The following TLE3 variants were observed in gnomAD, a reference collection of about 807,000 sequenced individuals.
The protein encoded by TLE3 is transducin-like enhancer protein 3.
TLE3 carries 14 observed loss-of-function variants against 93.0 expected under a neutral mutation model. The ratio of observed to expected loss-of-function variants is 0.15; its 90% CI spans 0.10 to 0.24. The LOEUF is 0.24. Among genes scored for constraint, TLE3 ranks in the 10% least tolerant of loss-of-function variants. The pLI, the probability that TLE3 is intolerant of heterozygous loss-of-function variation, is 1.00. For missense variants in TLE3, 693 were observed against 1,046.6 expected (o/e 0.66, Z 4.66); for synonymous variants, 451 against 425.0 (o/e 1.06, Z -0.75).
chr15:70,053,137 A>C, intron 17 of TLE3, 90 bp downstream of exon 17: 1 of 1,485,640 alleles, frequency 6.7e-7, no homozygotes, highest in Non-Finnish European at 9.1e-7. Flanking sequence ...CCACTCTGTG[A>C]GGGTCCCTTT....
At chr15:70,072,863 G>C (rs576513927) in intron 6 of TLE3, among the ~76,000 whole-genome samples, 1 of 152,218 alleles carries the variant, frequency 6.6e-6, no homozygotes, top group African/African-American at 2.4e-5. Context: ...GACGATCCCC[G>C]GGCTAGATGA....
chr15:70,096,122 C>G (rs2058547464), intron 2 of TLE3, 39 bp downstream of exon 2: 2 of 1,536,976 alleles, frequency 1.3e-6, no homozygotes, highest in African/African-American at 2.8e-5. Flanking sequence ...GGGACCCACC[C>G]CTCCCCGCCA....
At chr15:70,081,393 C>T (rs1333676079) in intron 4 of TLE3, among the ~76,000 whole-genome samples, 2 of 152,246 alleles carry the variant, frequency 1.3e-5, no homozygotes, top group African/African-American at 2.4e-5. Context: ...GGTTGCTGGG[C>T]AGCTGGCTGA....
At chr15:70,074,921 GAT>G (rs1267702465) in intron 5 of TLE3, among the ~76,000 whole-genome samples, 1 of 152,220 alleles carries the variant, frequency 6.6e-6, no homozygotes, top group African/African-American at 2.4e-5. Context: ...GTATGAGCTG[GAT>G]ATCAGATGAT....
At chr15:70,080,599 C>T (rs1219500800) in intron 4 of TLE3, among the ~76,000 whole-genome samples, 1 of 152,156 alleles carries the variant, frequency 6.6e-6, no homozygotes, top group Non-Finnish European at 1.5e-5. Context: ...TAGTGGGGGG[C>T]AAGTGTAATT....
At position 70,055,117 on chromosome 15, in the gene TLE3, C is replaced by T. The variant is rs1388806081; in HGVS notation, c.1510G>A (p.Gly504Ser). ...CTGATGTCCCAGATCTTCACGCAGC[C>T]CTTGCCACCTGTGTAGACGTGCCTC... Reference protein sequence around the residue: ...PTRHVYTGGKGCVKIWDISQP... With the variant: ...PTRHVYTGGKSCVKIWDISQP... Residue 504 changes from glycine to serine, a missense_variant, in exon 15 of 20, where the codon GGC (glycine) becomes AGC (serine). Coordinates refer to ENST00000451782, the MANE Select transcript of TLE3 (RefSeq NM_001105192.3). 1 of 1,614,054 alleles carries T rather than the reference C, an allele frequency of 6.2e-7. No homozygotes were observed. Among genetic ancestry groups the T allele is most frequent in the Non-Finnish European group, 8.5e-7 (1 of 1,180,028 alleles).
At position 70,058,281 on chromosome 15, in the gene TLE3, G is replaced by A. The variant is rs2056222758; in HGVS notation, c.929C>T (p.Ser310Phe). Residue 310 changes from serine to phenylalanine, a missense_variant, in exon 12 of 20, where the codon TCC (serine) becomes TTC (phenylalanine). Physicochemically the swap from Ser to Phe is radical, Grantham distance 155. Coordinates refer to ENST00000451782, the MANE Select transcript of TLE3 (RefSeq NM_001105192.3). The surrounding 1 kb of genome is among the most constrained non-coding windows in gnomAD (Gnocchi z 4.1). ...GTTGGACTTGAGCCCAGGGGTGGAG[G>A]ATTTGTCGTTCTGAAGAGGGGAGAT... ...KTKDLGHNDKSSTPGLKSNTP... is the reference protein window; with the variant it reads ...KTKDLGHNDKFSTPGLKSNTP... 6.2e-7 allele frequency: 1 copy of A among 1,608,034 alleles called. No individual in the cohort carries two copies. Among genetic ancestry groups the A allele is most frequent in the Non-Finnish European group, 8.5e-7 (1 of 1,176,830 alleles).
chr15:70,082,956 A>G (rs2057858023), intron 4 of TLE3, among the ~76,000 whole-genome samples: 1 of 151,618 alleles, frequency 6.6e-6, no homozygotes, highest in African/African-American at 2.4e-5. Context: ...AGGGGTCTAC[A>G]GTGTAAGGGA....
At chr15:70,070,607 G>A (rs950941322) in intron 6 of TLE3, among the ~76,000 whole-genome samples, 2 of 152,168 alleles carry the variant, frequency 1.3e-5, no homozygotes, top group Non-Finnish European at 2.9e-5. Context: ...TTCTGGGGTT[G>A]GTAATAGCTT....
At chr15:70,087,091 G>T (rs1198827762) in intron 4 of TLE3, among the ~76,000 whole-genome samples, 3 of 152,202 alleles carry the variant, frequency 2.0e-5, no homozygotes, top group Admixed American at 2.0e-4. Context: ...AGAGAACCCT[G>T]AGCTGGAATA....
chr15:70,052,865 T>C (rs1409238340), intron 17 of TLE3: 1 of 306,708 alleles, frequency 3.3e-6, no homozygotes, highest in Non-Finnish European at 6.0e-6. Context: ...GAATGCTTTC[T>C]GTGAGTCGGG....
Position 70,094,562 on chromosome 15 carries a change from G to T in TLE3, c.204C>A (p.Ser68=). The change falls in exon 4 of 20, where the codon TCC becomes TCA. Residue 68 remains serine, a synonymous_variant. Coordinates refer to ENST00000451782, the MANE Select transcript of TLE3 (RefSeq NM_001105192.3). ...QRHYVMYYEM[S]YGLNIEMHKQ... is the part of the protein sequence containing the mutation. Reference sequence around the variant, plus strand: ...TGTGCATTTCAATGTTCAAGCCATAGGACATCTCATAGTACTAAAAGTAAA... The same window carrying T: ...TGTGCATTTCAATGTTCAAGCCATATGACATCTCATAGTACTAAAAGTAAA... 6.4e-7 allele frequency: 1 copy of T among 1,558,046 alleles called. No individual in the cohort carries two copies. The highest frequency in any genetic ancestry group is 8.7e-7 in the Non-Finnish European group (1 of 1,151,544).
chr15:70,057,767 G>A, intron 12 of TLE3, 109 bp from the exon 13 acceptor site: 36 of 1,381,526 alleles, frequency 2.6e-5, no homozygotes, highest in Non-Finnish European at 3.5e-5. Flanking sequence ...CCTGCTCCAG[G>A]CAGTCCTCTC....
At chr15:70,056,108 G>A in intron 14 of TLE3, 190 bp downstream of exon 14, 2 of 670,142 alleles carry the variant, frequency 3.0e-6, no homozygotes, top group Non-Finnish European at 5.3e-6. Context: ...GCTCAGAAGT[G>A]TGGCTTGGCT....
chr15:70,095,798 T>C (rs1596045070), intron 2 of TLE3, 157 bp from the exon 3 acceptor site: 1 of 880,790 alleles, frequency 1.1e-6, no homozygotes. Context: ...GGGATTTGGG[T>C]CCCCGCCGTG....
At chr15:70,057,417 C>T in intron 13 of TLE3, 42 bp downstream of exon 13, 1 of 1,544,750 alleles carries the variant, frequency 6.5e-7, no homozygotes, top group Non-Finnish European at 8.8e-7. Flanking sequence ...GCTCCCCACA[C>T]CACGCCCAGT....
Position 70,097,554 on chromosome 15 carries a change from G to A in TLE3, c.-756C>T, listed in dbSNP as rs1486696497. On this transcript the variant is annotated 5_prime_UTR_variant, in exon 1 of 20. Transcript: ENST00000451782. ...ACGCCCTGGCATCCTAAGTCCAGCG[G>A]GCACGGGAAGCCTCCGCAAAGGGTT... 5.0e-5 allele frequency: 20 copies of A among 399,640 alleles called. No homozygotes were observed. In the Admixed American group the frequency reaches 7.5e-4, roughly 15 times the overall value. 24.8% of individuals were successfully genotyped at this position (399,640 alleles called of 1,614,324 possible). A position where few individuals can be genotyped will look rare whatever the true frequency, so the allele number is the denominator to read the frequency against.
intron 12 of TLE3, 176 bp downstream of exon 12, chr15:70,057,983 G>A (rs892621914): frequency 9.4e-6 from 10 of 1,062,686 alleles, no homozygotes; most frequent in Non-Finnish European, 9.4e-6. Flanking sequence ...CCCAGCAGGG[G>A]TCCCAGAAAC....
At chr15:70,056,087 C>T (rs1393184849) in intron 14 of TLE3, 2 of 629,672 alleles carry the variant, frequency 3.2e-6, no homozygotes, top group Admixed American at 2.4e-5. Flanking sequence ...TCGGAGGGAG[C>T]TTCTGTGGGT....
Sources: gnomAD v4.1 joint callset for allele counts (sites outside exome capture counted in the v4.1 genomes callset) on GRCh38, gnomAD v4.1.1 for gene constraint, Gnocchi (gnomAD v3.1) non-coding constraint, MANE v1.5 for transcripts, NCBI Gene and HGNC (gene_info 2026-07-23, HGNC 2026-07-21) for gene names.